Variants in LAMA5 observed in about 807,000 individuals in gnomAD.
The protein encoded by LAMA5 is laminin subunit alpha-5.
In LAMA5, 260 loss-of-function variants were observed where a neutral mutation model predicts 433.4. The ratio of observed to expected loss-of-function variants is 0.60; its 90% CI spans 0.54 to 0.66. The LOEUF (loss-of-function observed/expected upper bound fraction) is 0.66. Among genes scored for constraint, LAMA5 ranks in the 30% least tolerant of loss-of-function variants. The pLI is 0.00. For synonymous variants in LAMA5, 2,620 were observed against 2,226.6 expected, an observed-to-expected ratio of 1.18 and a Z score of -4.97; for missense variants, 5,378 against 5,258.5, an observed-to-expected ratio of 1.02 and a Z score of -0.70.
chr20:62,332,543 C>T lies in LAMA5; in HGVS notation c.3443+14G>A, dbSNP rs759937571. The T allele has an allele frequency of 7.5e-6, 12 of 1,599,850 alleles. No homozygotes were observed. Among genetic ancestry groups the T allele is most frequent in the African/African-American group, 5.4e-5 (4 of 74,628 alleles). ...GGGCGTGCCCTTACTCCAGCCCCACCGGCTCCCACTCACCTGTACAGGCAG... is the reference window on the plus strand; with the variant it reads ...GGGCGTGCCCTTACTCCAGCCCCACTGGCTCCCACTCACCTGTACAGGCAG... On this transcript the variant is annotated intron_variant, in intron 27 of 79. Transcript: ENST00000252999.
intron 1 of LAMA5, among the ~76,000 whole-genome samples, chr20:62,366,072 G>A (rs1030992364): frequency 6.6e-6 from 1 of 152,248 alleles, no homozygotes; most frequent in Non-Finnish European, 1.5e-5. Flanking sequence ...GGTTACACAG[G>A]CCCTCAGGGC....
intron 16 of LAMA5, 92 bp from the exon 17 acceptor site, chr20:62,336,878 C>A (rs775778730): frequency 1.4e-4 from 178 of 1,316,690 alleles, no homozygotes; most frequent in Non-Finnish European, 1.8e-4. Flanking sequence ...CACGGTCCCA[C>A]AGGAGCTGAG....
At chr20:62,366,003 C>A (rs2146388119) in intron 1 of LAMA5, among the ~76,000 whole-genome samples, 1 of 152,340 alleles carries the variant, frequency 6.6e-6, no homozygotes, top group Non-Finnish European at 1.5e-5. Context: ...TCCAGCTACT[C>A]GCCCCTGCCC....
Position 62,316,000 on chromosome 20 carries a change from G to A in LAMA5, c.7815C>T (p.Asp2605=), listed in dbSNP as rs780059098. Residue 2605 remains aspartate, a synonymous_variant, in exon 58 of 80, where the codon GAC becomes GAT. Transcript: ENST00000252999. The stretch of plus-strand genomic sequence containing the variant: ...CCGCCTGGATGTGCGCCTCCAGCTG[G>A]TCCTTCTTGGCCCGGACATCTCGGA... ...TQLRDVRAKK[D]QLEAHIQAAQ... 1.2e-6 allele frequency: 2 copies of A among 1,609,660 alleles called. No homozygotes were observed. The highest frequency in any genetic ancestry group is 8.5e-7 in the Non-Finnish European group (1 of 1,179,576).
rs779102912 is a variant in LAMA5, at chr20:62,318,438, A to T, written c.7239+16T>A. 2 of 1,570,076 alleles carry T rather than the reference A, an allele frequency of 1.3e-6. No individual in the cohort carries two copies. The highest frequency in any genetic ancestry group is 1.5e-5 in the African/African-American group (1 of 67,170). On this transcript the variant is annotated intron_variant, in intron 53 of 79. Transcript: ENST00000252999. ...GGGAAGAGGAGCAGGAGGAAGAACA[A>T]GTCCGGGGTCCTCACCAGGGCTTCC... is the stretch of plus-strand genomic sequence containing the variant.
Position 62,312,483 on chromosome 20 carries a change from C to T in LAMA5, c.9277G>A (p.Gly3093Ser). ...TGGSVRGCVKGIKALGKYVDL... is the reference protein window; with the variant it reads ...TGGSVRGCVKSIKALGKYVDL... ...ACATACTTGCCCAGGGCCTTGATGC[C>T]TTTGACGCAGCCACGGACTGAGCCT... is the stretch of plus-strand genomic sequence containing the variant. The change falls in exon 68 of 80, where the codon GGC becomes AGC. Residue 3093 changes from glycine to serine, a missense_variant. Transcript: ENST00000252999. 1.9e-6 allele frequency: 3 copies of T among 1,598,572 alleles called. No individual in the cohort carries two copies. Among genetic ancestry groups the T allele is most frequent in the Non-Finnish European group, 1.7e-6 (2 of 1,179,672 alleles).
chr20:62,328,540 G>A lies in LAMA5; in HGVS notation c.4448-95C>T, dbSNP rs534718513. The A allele has an allele frequency of 6.8e-5, 88 of 1,293,236 alleles. No individual in the cohort carries two copies. In the African/African-American group the frequency reaches 1.0e-3, roughly 15 times the overall value. 80.1% of individuals were successfully genotyped at this position (1,293,236 alleles called of 1,614,324 possible). A position where few individuals can be genotyped will look rare whatever the true frequency, so the allele number is the denominator to read the frequency against. On this transcript the variant is annotated intron_variant, in intron 34 of 79. Transcript: ENST00000252999. ...GCCCTAGGGGATGTGGCAGTGTGACGGGGGCGGGGGAGACAAGAACAGGGA... is the reference window on the plus strand; with the variant it reads ...GCCCTAGGGGATGTGGCAGTGTGACAGGGGCGGGGGAGACAAGAACAGGGA...
chr20:62,318,882 G>T lies in LAMA5; in HGVS notation c.7003C>A (p.Gln2335Lys). The stretch of plus-strand genomic sequence containing the variant: ...GCCAACTCAGCCTCAGCTGCTGCCT[G>T]CGGGGCCCCCAGGTCCCGGGCCCGC... Reference protein sequence around the residue: ...EMRARDLGAPQAAAEAELAAA... With the variant: ...EMRARDLGAPKAAAEAELAAA... The change falls in exon 52 of 80, where the codon CAG becomes AAG. Residue 2335 changes from glutamine to lysine, a missense_variant. Transcript: ENST00000252999. The T allele has an allele frequency of 3.1e-6, 5 of 1,609,080 alleles. No individual in the cohort carries two copies. Among genetic ancestry groups the T allele is most frequent in the Non-Finnish European group, 4.2e-6 (5 of 1,179,110 alleles).
rs188632992 is a variant in LAMA5 at position 62,315,023 on chromosome 20, C to A, written c.8047+5G>T. On this transcript the variant is annotated splice_donor_5th_base_variant and intron_variant, in intron 59 of 79. Coordinates refer to ENST00000252999, the MANE Select transcript of LAMA5 (RefSeq NM_005560.6). ...TCAGGGGCACCGCGAGGGCCATGGG[C>A]GCACCTGAGTGGCCTGCGTCAAGCA... is the stretch of plus-strand genomic sequence containing the variant. The A allele has an allele frequency of 1.9e-6, 3 of 1,586,718 alleles. No individual in the cohort carries two copies. Among genetic ancestry groups the A allele is most frequent in the Middle Eastern group, 1.7e-4 (1 of 6,000 alleles).
chr20:62,319,531 C>G (rs1418798024), intron 51 of LAMA5, among the ~76,000 whole-genome samples, 153 bp downstream of exon 51: 1 of 152,188 alleles, frequency 6.6e-6, no homozygotes, highest in Non-Finnish European at 1.5e-5. Context: ...GACCTCCTGA[C>G]CCTGCCCTAC....
rs976363221 is a variant in LAMA5 at position 62,324,861 on chromosome 20, C to A, written c.5530-307G>T. 2 of 443,486 alleles carry A rather than the reference C, an allele frequency of 4.5e-6. No homozygotes were observed. The highest frequency in any genetic ancestry group is 8.3e-6 in the Non-Finnish European group (2 of 240,554). The allele number at this position is 443,486 out of a possible 1,614,324, so 27.5% of individuals were successfully genotyped here. A position where few individuals can be genotyped will look rare whatever the true frequency, so the allele number is the denominator to read the frequency against. ...TGTGGACCAGGGCCTACTCTTTCCA[C>A]TCCTTCTAGGAGGTATTCAACCACA... On this transcript the variant is annotated intron_variant, in intron 41 of 79. Coordinates refer to ENST00000252999, the MANE Select transcript of LAMA5 (RefSeq NM_005560.6). The surrounding 1 kb of genome is among the most constrained non-coding windows in gnomAD (Gnocchi z 4.4).
rs1035332682 is a variant in LAMA5, at chr20:62,359,389, C to A, written c.450+3011G>T. ...TAGTGGGGCAAGGGCCTGGACCCTGCGGCAGAGCCAGGGGGTGGGGGAGCT... is the reference window on the plus strand; with the variant it reads ...TAGTGGGGCAAGGGCCTGGACCCTGAGGCAGAGCCAGGGGGTGGGGGAGCT... On this transcript the variant is annotated intron_variant, in intron 2 of 79. Coordinates refer to ENST00000252999, the MANE Select transcript of LAMA5 (RefSeq NM_005560.6). The surrounding 1 kb of genome is among the most constrained non-coding windows in gnomAD (Gnocchi z 4.3). Among the ~76,000 whole-genome samples the A allele has an allele frequency of 1.3e-5, 2 of 152,096 alleles. No homozygotes were observed. Among genetic ancestry groups the A allele is most frequent in the African/African-American group, 4.8e-5 (2 of 41,416 alleles).
At chr20:62,356,714 T>C (rs1568983379) in intron 2 of LAMA5, among the ~76,000 whole-genome samples, 1 of 152,132 alleles carries the variant, frequency 6.6e-6, no homozygotes, top group Non-Finnish European at 1.5e-5. Context: ...GCTCCAGGCT[T>C]CAGGGGTTGT....
chr20:62,325,013 TG>T, intron 41 of LAMA5: 1 of 306,246 alleles, frequency 3.3e-6, no homozygotes, highest in Non-Finnish European at 6.1e-6. Flanking sequence ...GGATGGTCGG[TG>T]GGGGATGTCC....
intron 11 of LAMA5, among the ~76,000 whole-genome samples, chr20:62,342,958 G>C (rs1010108622): frequency 6.6e-6 from 1 of 152,252 alleles, no homozygotes; most frequent in Admixed American, 6.5e-5. Flanking sequence ...AGTGAATACT[G>C]TACAGCCACA....
Position 62,311,468 on chromosome 20 carries a change from C to A in LAMA5, c.9875G>T (p.Cys3292Phe). 1 of 1,608,496 alleles carries A rather than the reference C, an allele frequency of 6.2e-7. No homozygotes were observed. Among genetic ancestry groups the A allele is most frequent in the South Asian group, 1.1e-5 (1 of 90,444 alleles). ...GGTCTGGGCTTGCAGGGCGGGTGCA[C>A]AGCCCGTGCTCACATTGACGCTGCC... ...NLGSVNVSTG[C>F]APALQAQTPG... is the part of the protein sequence containing the mutation. The change falls in exon 72 of 80, where the codon TGT (cysteine) becomes TTT (phenylalanine). Residue 3292 changes from cysteine (C) to phenylalanine (F), a missense_variant. Coordinates refer to ENST00000252999, the MANE Select transcript of LAMA5 (RefSeq NM_005560.6).
At position 62,344,000 on chromosome 20, in the gene LAMA5, T is replaced by G. The variant is rs186896580; in HGVS notation, c.1477+1818A>C. Among the ~76,000 whole-genome samples, 541 of 151,754 alleles carry G rather than the reference T, an allele frequency of 3.6e-3. 11 individuals are homozygous for G. The highest frequency in any genetic ancestry group is 0.029 in the Admixed American group (439 of 15,210). ...TCTCTACTAAAAATACAAAATTAGCTGGGCTTAGTGGCGGATGCCTGTAAC... is the reference window on the plus strand; with the variant it reads ...TCTCTACTAAAAATACAAAATTAGCGGGGCTTAGTGGCGGATGCCTGTAAC... On this transcript the variant is annotated intron_variant, in intron 11 of 79. Transcript: ENST00000252999.
At position 62,323,317 on chromosome 20, in the gene LAMA5, A is replaced by G. The variant is rs1601323502; in HGVS notation, c.6064+139T>C. The G allele has an allele frequency of 4.1e-6, 3 of 732,888 alleles. No homozygotes were observed. In the East Asian group the frequency reaches 8.3e-5, roughly 20 times the overall value. 45.4% of individuals were successfully genotyped at this position (732,888 alleles called of 1,614,324 possible). A position where few individuals can be genotyped will look rare whatever the true frequency, so the allele number is the denominator to read the frequency against. The stretch of plus-strand genomic sequence containing the variant: ...GCGGGGGAGAAAGGGTTGACCATGA[A>G]CCCAGAAGGCTGGCTCCGACTTGTC... On this transcript the variant is annotated intron_variant, in intron 45 of 79. Transcript: ENST00000252999.
intron 26 of LAMA5, 112 bp from the exon 27 acceptor site, chr20:62,332,829 C>T (rs1980736373): frequency 1.2e-5 from 16 of 1,354,546 alleles, no homozygotes; most frequent in Non-Finnish European, 1.4e-5. Context: ...AGCCGAGTCC[C>T]ACCCTGGCCC....
Sources: gnomAD v4.1 joint callset for allele counts (sites outside exome capture counted in the v4.1 genomes callset) on GRCh38, gnomAD v4.1.1 for gene constraint, Gnocchi (gnomAD v3.1) non-coding constraint, MANE v1.5 for transcripts, NCBI Gene and HGNC (gene_info 2026-07-23, HGNC 2026-07-21) for gene names.